Variants in UGT1A7 observed in about 807,000 individuals in gnomAD.
The protein encoded by UGT1A7 is UDP glucuronosyltransferase family 1 member A7, also known as UDP-glucuronosyltransferase 1A7.
UGT1A7 carries 33 observed loss-of-function variants against 45.6 expected under a neutral mutation model. That is an observed-to-expected ratio of 0.72 (90% CI 0.55 to 0.97). The LOEUF is 0.97. Ranked by LOEUF, UGT1A7 falls within the 50% of genes least tolerant of loss-of-function variation. The pLI, the probability that UGT1A7 is intolerant of heterozygous loss-of-function variation, is 0.00. For missense variants in UGT1A7, 684 were observed against 666.2 expected (o/e 1.03, Z -0.29); for synonymous variants, 274 against 250.6 (o/e 1.09, Z -0.88).
chr2:233,707,168 A>G lies in UGT1A7; in HGVS notation c.855+24376A>G, dbSNP rs564906644. Among the ~76,000 whole-genome samples the G allele has an allele frequency of 1.5e-4, 23 of 152,172 alleles. No homozygotes were observed. The East Asian group carries it at 4.3e-3, about 28-fold the overall frequency. On this transcript the variant is annotated intron_variant, in intron 1 of 4. Transcript: ENST00000373426. ...CACTGCAGTTTATCAGCACCCAGAC[A>G]TCCATCCTGGGTGCCTGCCCTCCGT...
intron 1 of UGT1A7, among the ~76,000 whole-genome samples, chr2:233,724,125 CA>C (rs1371340693): frequency 1.8e-5 from 2 of 108,584 alleles, no homozygotes; most frequent in Non-Finnish European, 3.7e-5. Flanking sequence ...AGGCGCCCCT[CA>C]CCTCCCGGAC....
At position 233,682,370 on chromosome 2, in the gene UGT1A7, G is replaced by T; in HGVS notation, c.433G>T (p.Val145Leu). The change falls in exon 1 of 5, where the codon GTG (valine) becomes TTG (leucine). Residue 145 changes from valine (V) to leucine (L), a missense_variant. Transcript: ENST00000373426. ...EYLKESCFDA[V>L]FLDPFDACGL... ...CTTAAAGGAGAGTTGTTTTGATGCA[G>T]TGTTTCTCGATCCTTTTGATGCCTG... 1 of 1,614,042 alleles carries T rather than the reference G, an allele frequency of 6.2e-7. No homozygotes were observed. The highest frequency in any genetic ancestry group is 1.1e-5 in the South Asian group (1 of 91,084).
At chr2:233,719,240 C>T (rs753605986) in intron 1 of UGT1A7, 10 of 1,614,038 alleles carry the variant, frequency 6.2e-6, no homozygotes, top group Non-Finnish European at 8.5e-6. Context: ...TGATCAGGCA[C>T]CTGAATGCTA....
chr2:233,723,019 G>C (rs1235467270), intron 1 of UGT1A7, among the ~76,000 whole-genome samples: 2 of 145,208 alleles, frequency 1.4e-5, no homozygotes, highest in Non-Finnish European at 3.0e-5. Flanking sequence ...ATGAGAAGGT[G>C]GAAGGGCCAG....
chr2:233,698,451 T>A (rs190964166), intron 1 of UGT1A7, among the ~76,000 whole-genome samples: 37 of 152,294 alleles, frequency 2.4e-4, no homozygotes, highest in Admixed American at 2.1e-3. Flanking sequence ...TCACAGATCA[T>A]AGAAAATGAA....
rs1699312675 is a variant in UGT1A7, at chr2:233,767,039, T to C, written c.861T>C (p.Phe287=). The change falls in exon 2 of 5, where the codon TTT becomes TTC. Residue 287 remains phenylalanine, a synonymous_variant. Transcript: ENST00000373426. ...AATTTTTCTTCTGGCTCTAGGAATT[T>C]GAAGCCTACATTAATGCTTCTGGAG... ...CHQGKPVPME[F]EAYINASGEH... 1 of 1,614,136 alleles carries C rather than the reference T, an allele frequency of 6.2e-7. No homozygotes were observed. The highest frequency in any genetic ancestry group is 1.1e-5 in the South Asian group (1 of 91,058).
In UGT1A7 at chr2:233,682,233, C is replaced by T. The variant is rs2074566942; in HGVS notation, c.296C>T (p.Thr99Met). 9 of 1,614,200 alleles carry T rather than the reference C, an allele frequency of 5.6e-6. No individual in the cohort carries two copies. The highest frequency in any genetic ancestry group is 2.7e-5 in the African/African-American group (2 of 75,062). ...ATGGTTTTTGCCGATGCTCGCTGGA[C>T]GGCACCATTGCGAAGTGCATTTTCT... ...EFMVFADARW[T>M]APLRSAFSLL... The change falls in exon 1 of 5, where the codon ACG becomes ATG. Residue 99 changes from threonine (T) to methionine (M), a missense_variant. Thr to Met is a moderately conservative substitution (Grantham distance 81, BLOSUM62 -1). Transcript: ENST00000373426.
At chr2:233,700,152 G>T (rs1277550214) in intron 1 of UGT1A7, among the ~76,000 whole-genome samples, 1 of 152,160 alleles carries the variant, frequency 6.6e-6, no homozygotes, top group African/African-American at 2.4e-5. Context: ...CCCTATAGGG[G>T]TCTTTACAAG....
At chr2:233,718,796 T>A (rs1241026493) in intron 1 of UGT1A7, 7 of 1,613,058 alleles carry the variant, frequency 4.3e-6, no homozygotes, top group Non-Finnish European at 5.1e-6. Flanking sequence ...GGGTGGACAG[T>A]CAGCTGTCGG....
chr2:233,716,677 G>A (rs2076519558), intron 1 of UGT1A7, among the ~76,000 whole-genome samples: 1 of 152,156 alleles, frequency 6.6e-6, no homozygotes, highest in African/African-American at 2.4e-5. Context: ...TTTACCCCAA[G>A]ATATAGTTTC....
At chr2:233,746,367 C>T (rs1317726089) in intron 1 of UGT1A7, among the ~76,000 whole-genome samples, 1 of 151,694 alleles carries the variant, frequency 6.6e-6, no homozygotes, top group Non-Finnish European at 1.5e-5. Flanking sequence ...AGTAACAAGT[C>T]CCTTCATTCT....
At chr2:233,722,560 G>C (rs2077022969) in intron 1 of UGT1A7, among the ~76,000 whole-genome samples, 1 of 152,082 alleles carries the variant, frequency 6.6e-6, no homozygotes, top group Non-Finnish European at 1.5e-5. Context: ...TGGTTGATTT[G>C]TAGCTGCTTT....
At chr2:233,732,848 A>G (rs1171011908) in intron 1 of UGT1A7, among the ~76,000 whole-genome samples, 1 of 145,490 alleles carries the variant, frequency 6.9e-6, no homozygotes, top group African/African-American at 2.6e-5. Context: ...CAATTTTGTG[A>G]AGTCATTGGT....
At chr2:233,763,527 CT>C (rs1248792225) in intron 1 of UGT1A7, among the ~76,000 whole-genome samples, 2 of 152,146 alleles carry the variant, frequency 1.3e-5, no homozygotes, top group African/African-American at 4.8e-5. Context: ...TGCCATTCTC[CT>C]TTTTCCGGAT....
intron 1 of UGT1A7, among the ~76,000 whole-genome samples, chr2:233,723,671 C>T (rs2077112906): frequency 1.0e-5 from 1 of 95,612 alleles, no homozygotes; most frequent in Non-Finnish European, 1.9e-5. Flanking sequence ...GGCAGAGGAC[C>T]CTGCGGCCTT....
intron 1 of UGT1A7, among the ~76,000 whole-genome samples, chr2:233,724,109 G>T (rs1321159895): frequency 8.8e-6 from 1 of 113,982 alleles, no homozygotes; most frequent in African/African-American, 4.2e-5. Context: ...AGGGGCGGCC[G>T]GGCAGAGGCG....
chr2:233,721,852 T>C (rs2076975990), intron 1 of UGT1A7: 1 of 513,872 alleles, frequency 1.9e-6, no homozygotes, highest in African/African-American at 1.9e-5. Flanking sequence ...CCAGCCCCAC[T>C]GCTCGGCCCT....
At chr2:233,747,496 G>A in intron 1 of UGT1A7, 1 of 1,608,732 alleles carries the variant, frequency 6.2e-7, no homozygotes, top group Non-Finnish European at 8.5e-7. Context: ...CTTGTGCTGG[G>A]CCACACTCAA....
chr2:233,755,236 G>A (rs1242283792), intron 1 of UGT1A7: 7 of 905,796 alleles, frequency 7.7e-6, no homozygotes, highest in East Asian at 5.0e-5. Context: ...GAGGCCTACC[G>A]GGGTACTCCC....
Sources: gnomAD v4.1 joint callset for allele counts (sites outside exome capture counted in the v4.1 genomes callset) on GRCh38, gnomAD v4.1.1 for gene constraint, MANE v1.5 for transcripts, NCBI Gene and HGNC (gene_info 2026-07-23, HGNC 2026-07-21) for gene names.